STOX2: variants seen among roughly 807,000 people sequenced by gnomAD.
STOX2 encodes storkhead box 2.
STOX2 carries 28 observed loss-of-function variants against 60.9 expected under a neutral mutation model. The observed-to-expected ratio is 0.46, with a 90% CI of 0.34 to 0.63. The LOEUF (loss-of-function observed/expected upper bound fraction) is 0.63, where lower values mean the gene tolerates loss of function less well. Ranked by LOEUF, STOX2 falls within the 30% of genes least tolerant of loss-of-function variation. STOX2 has a pLI of 0.01. For synonymous variants in STOX2, 472 were observed against 463.9 expected (o/e 1.02, Z -0.22); for missense variants, 1,024 against 1,187.7 (o/e 0.86, Z 2.03).
rs1004820567 is a variant in STOX2, at chr4:184,017,752, G to A, written c.*468G>A. 3 of 145,504 alleles carry A rather than the reference G, an allele frequency of 2.1e-5. No individual in the cohort carries two copies. The highest frequency in any genetic ancestry group is 4.5e-5 in the Non-Finnish European group (3 of 66,032). 9.0% of individuals were successfully genotyped at this position (145,504 alleles called of 1,614,324 possible). On this transcript the variant is annotated 3_prime_UTR_variant, in exon 4 of 4. Coordinates refer to ENST00000308497, the MANE Select transcript of STOX2 (RefSeq NM_020225.3). ...AAAAAAAAACAAAAAACAAAACTAAGCTACCACGAAATGTCAAATGCAAGG... is the reference window on the plus strand; with the variant it reads ...AAAAAAAAACAAAAAACAAAACTAAACTACCACGAAATGTCAAATGCAAGG...
chr4:183,912,690 C>G (rs1421804966), intron 1 of STOX2, among the ~76,000 whole-genome samples: 1 of 152,138 alleles, frequency 6.6e-6, no homozygotes, highest in African/African-American at 2.4e-5. Flanking sequence ...ATGTGTGTCT[C>G]CGGTCTGGAT....
intron 1 of STOX2, among the ~76,000 whole-genome samples, chr4:183,894,029 G>A (rs749314649): frequency 6.6e-6 from 1 of 152,224 alleles, no homozygotes; most frequent in Non-Finnish European, 1.5e-5. Flanking sequence ...GCGTGCACCT[G>A]TATTCCCAGC....
At position 183,845,996 on chromosome 4, in the gene STOX2, A is replaced by G. The variant is rs190127115; in HGVS notation, c.364+47941A>G. On this transcript the variant is annotated intron_variant, in intron 1 of 2. Transcript: ENST00000513034. Reference sequence around the variant, plus strand: ...GGATTTTTTGTAGGGCAGGTTTACTAGTGACAAACCCTCTTGAGTTTTTGT... The same window carrying G: ...GGATTTTTTGTAGGGCAGGTTTACTGGTGACAAACCCTCTTGAGTTTTTGT... Among the ~76,000 whole-genome samples the G allele has an allele frequency of 2.5e-3, 376 of 152,314 alleles. 2 individuals carry two copies. The highest frequency in any genetic ancestry group is 4.2e-3 in the Non-Finnish European group (284 of 68,028).
chr4:183,971,786 C>G (rs748520190), intron 1 of STOX2, among the ~76,000 whole-genome samples: 3 of 152,240 alleles, frequency 2.0e-5, no homozygotes, highest in Non-Finnish European at 4.4e-5. Context: ...ATTTGCTTCT[C>G]CTGCTAACAG....
rs372799451 is a variant in STOX2, at chr4:183,851,648, A to G, written c.364+53593A>G. Among the ~76,000 whole-genome samples, 377 of 85,322 alleles carry G rather than the reference A, an allele frequency of 4.4e-3. 1 individual carries two copies. Among genetic ancestry groups the G allele is most frequent in the East Asian group, 0.02 (45 of 2,238 alleles). 56.0% of individuals were successfully genotyped at this position (85,322 alleles called of 152,430 possible). Reference sequence around the variant, plus strand: ...GGGAAAGGATGAGGGAAAGGATGAGAGAAAGGATGAGGGAAAGGATGAGAG... The same window carrying G: ...GGGAAAGGATGAGGGAAAGGATGAGGGAAAGGATGAGGGAAAGGATGAGAG... On this transcript the variant is annotated intron_variant, in intron 1 of 2. Coordinates refer to the STOX2 transcript ENST00000513034.
chr4:183,952,220 T>G (rs551477891), intron 1 of STOX2, among the ~76,000 whole-genome samples: 6 of 152,240 alleles, frequency 3.9e-5, no homozygotes, highest in Admixed American at 6.5e-5. Context: ...GCTACTTTTT[T>G]TATGGTGTTG....
intron 1 of STOX2, among the ~76,000 whole-genome samples, chr4:183,898,288 G>C (rs1056811914): frequency 6.6e-6 from 1 of 152,122 alleles, no homozygotes; most frequent in Non-Finnish European, 1.5e-5. Flanking sequence ...AGAGCAGTGA[G>C]AGGAGGTGAT....
intron 1 of STOX2, among the ~76,000 whole-genome samples, chr4:183,968,816 G>A (rs1214039255): frequency 6.6e-6 from 1 of 152,172 alleles, no homozygotes; most frequent in African/African-American, 2.4e-5. Flanking sequence ...GGATAGAAAG[G>A]ATAGAAGGTA....
chr4:183,989,348 A>G (rs1437116373), intron 1 of STOX2, among the ~76,000 whole-genome samples: 1 of 151,830 alleles, frequency 6.6e-6, no homozygotes, highest in Non-Finnish European at 1.5e-5. Flanking sequence ...GATTACAGGC[A>G]CGTGCCACCA....
chr4:183,857,369 C>A (rs1401751286), intron 1 of STOX2, among the ~76,000 whole-genome samples: 1 of 151,368 alleles, frequency 6.6e-6, no homozygotes, highest in Non-Finnish European at 1.5e-5. Context: ...GGTCATCCCG[C>A]AGGACTGGTT....
At chr4:183,870,517 A>G (rs1055911525) in intron 1 of STOX2, among the ~76,000 whole-genome samples, 2 of 152,192 alleles carry the variant, frequency 1.3e-5, no homozygotes, top group South Asian at 4.1e-4. Context: ...GCCCTTTATA[A>G]TATTGTTTAT....
At chr4:183,930,949 T>G (rs1742404295) in intron 1 of STOX2, among the ~76,000 whole-genome samples, 1 of 152,196 alleles carries the variant, frequency 6.6e-6, no homozygotes, top group Admixed American at 6.5e-5. Context: ...AAATTTCTAT[T>G]GGGGGACAAT....
Position 183,850,905 on chromosome 4 carries a change from AAAGGATGAGG to A in STOX2, c.364+52851_364+52860del, listed in dbSNP as rs1740105934. 1.2e-4 allele frequency among the ~76,000 whole-genome samples: 4 copies of A among 32,842 alleles called. No homozygotes were observed. In the South Asian group the frequency reaches 5.0e-3, roughly 41 times the overall value. The allele number at this position is 32,842 out of a possible 152,430, so 21.5% of individuals were successfully genotyped here. ...GAAAGGATGAGAGAAACGATGAGGG[AAAGGATGAGG>A]GAAAGGATGAGGGAAAGGATGAGGG... On this transcript the variant is annotated intron_variant, in intron 1 of 2. Coordinates refer to the STOX2 transcript ENST00000513034.
intron 1 of STOX2, among the ~76,000 whole-genome samples, chr4:183,993,209 T>C (rs1245813197): frequency 6.6e-6 from 1 of 152,226 alleles, no homozygotes; most frequent in African/African-American, 2.4e-5. Context: ...CTTTTACCTG[T>C]AGTCAAATCT....
At chr4:183,857,097 T>A (rs919846888) in intron 1 of STOX2, among the ~76,000 whole-genome samples, 5 of 151,092 alleles carry the variant, frequency 3.3e-5, no homozygotes, top group Non-Finnish European at 7.4e-5. Flanking sequence ...GGTTGCCCTG[T>A]AGGACTGGTT....
chr4:183,818,873 T>C (rs111731055), intron 1 of STOX2, among the ~76,000 whole-genome samples: 14,416 of 144,234 alleles, frequency 0.1, 2,207 homozygotes, highest in African/African-American at 0.35. Flanking sequence ...CCAGACGGGG[T>C]GGTGGGGCAG....
At chr4:183,888,140 G>A (rs1033127983) in intron 1 of STOX2, among the ~76,000 whole-genome samples, 15 of 152,260 alleles carry the variant, frequency 9.9e-5, no homozygotes, top group Admixed American at 6.5e-4. Context: ...GGAAAATATG[G>A]TGTTGGAGAC....
intron 1 of STOX2, among the ~76,000 whole-genome samples, chr4:183,952,150 A>T (rs1214345237): frequency 1.3e-5 from 2 of 152,226 alleles, no homozygotes; most frequent in African/African-American, 4.8e-5. Context: ...AAGCAAGTGA[A>T]TATAAAATGA....
rs546482811 is a variant in STOX2 at position 183,829,213 on chromosome 4, T to G, written c.364+31158T>G. ...TTTTCTTTGATGAGAGAAATTATAT[T>G]TGAGGCATTTAGTTAATCTGCTATT... On this transcript the variant is annotated intron_variant, in intron 1 of 2. Transcript: ENST00000513034. Among the ~76,000 whole-genome samples, 4 of 152,378 alleles carry G rather than the reference T, an allele frequency of 2.6e-5. No homozygotes were observed. In the South Asian group the frequency reaches 8.3e-4, roughly 32 times the overall value.
Sources: allele counts gnomAD v4.1 joint callset (sites outside exome capture counted in the v4.1 genomes callset), GRCh38; gene constraint gnomAD v4.1.1; transcripts MANE v1.5; gene names NCBI Gene and HGNC (gene_info 2026-07-23, HGNC 2026-07-21).